Variants in CALD1 observed in about 807,000 individuals in gnomAD.
CALD1 encodes caldesmon.
CALD1 carries 33 observed loss-of-function variants against 99.9 expected under a neutral mutation model. That is an observed-to-expected ratio of 0.33 (90% CI 0.25 to 0.44). CALD1 has a LOEUF of 0.44. Among genes scored for constraint, CALD1 ranks in the 20% least tolerant of loss-of-function variants. The pLI is 1.00. For missense variants in CALD1, 861 were observed against 962.1 expected (o/e 0.89, Z 1.39); for synonymous variants, 310 against 325.0 (o/e 0.95, Z 0.50).
intron 1 of CALD1, among the ~76,000 whole-genome samples, chr7:134,803,486 T>TA (rs552796865): frequency 1.3e-5 from 2 of 152,010 alleles, no homozygotes; most frequent in Non-Finnish European, 2.9e-5. Context: ...ATCTTCTATT[T>TA]AAAAAAAACT....
chr7:134,767,431 G>A (rs565567831), intron 1 of CALD1, among the ~76,000 whole-genome samples: 9 of 152,212 alleles, frequency 5.9e-5, no homozygotes, highest in South Asian at 2.1e-4. Context: ...GATGACAGTC[G>A]GCTAGGCCAA....
chr7:134,953,573 T>C (rs1278312916), intron 9 of CALD1, among the ~76,000 whole-genome samples: 1 of 151,100 alleles, frequency 6.6e-6, no homozygotes, highest in Non-Finnish European at 1.5e-5. Context: ...CTACCTTCTT[T>C]AAAATCCCAC....
intron 1 of CALD1, among the ~76,000 whole-genome samples, chr7:134,835,910 C>T (rs1056627362): frequency 6.6e-6 from 1 of 152,036 alleles, no homozygotes; most frequent in African/African-American, 2.4e-5. Flanking sequence ...ATTTGGGAGG[C>T]CGAGTCAGGC....
chr7:134,835,602 G>A (rs1216860241), intron 1 of CALD1, among the ~76,000 whole-genome samples: 4 of 152,140 alleles, frequency 2.6e-5, no homozygotes, highest in Non-Finnish European at 5.9e-5. Context: ...AATAAAGTGT[G>A]CCTAAATTTT....
intron 3 of CALD1, among the ~76,000 whole-genome samples, chr7:134,884,751 C>T (rs1450693879): frequency 6.6e-6 from 1 of 151,972 alleles, no homozygotes; most frequent in East Asian, 1.9e-4. Context: ...ATGACAAGTA[C>T]TTATTGGCCA....
intron 1 of CALD1, among the ~76,000 whole-genome samples, chr7:134,791,909 G>A (rs1235092099): frequency 6.6e-6 from 1 of 152,184 alleles, no homozygotes; most frequent in African/African-American, 2.4e-5. Flanking sequence ...AGCTTGTGCA[G>A]GGGAACTCCC....
intron 1 of CALD1, among the ~76,000 whole-genome samples, chr7:134,760,193 G>T (rs1284363599): frequency 2.0e-5 from 3 of 152,178 alleles, no homozygotes; most frequent in Non-Finnish European, 4.4e-5. Flanking sequence ...ATTACAGAGG[G>T]ACTTATAGGA....
chr7:134,770,111 T>C (rs1796865293), intron 1 of CALD1, among the ~76,000 whole-genome samples: 1 of 152,218 alleles, frequency 6.6e-6, no homozygotes, highest in Admixed American at 6.5e-5. Context: ...ATTACCTTTC[T>C]CTTTGTAAAA....
chr7:134,834,972 T>C (rs988222105), intron 1 of CALD1, among the ~76,000 whole-genome samples: 2 of 152,222 alleles, frequency 1.3e-5, no homozygotes, highest in African/African-American at 4.8e-5. Flanking sequence ...CATTAACAGA[T>C]GGATATCTGG....
intron 2 of CALD1, among the ~76,000 whole-genome samples, chr7:134,854,262 G>A (rs1242452217): frequency 6.6e-6 from 1 of 152,118 alleles, no homozygotes; most frequent in Non-Finnish European, 1.5e-5. Context: ...GGTATTTCTA[G>A]TTCTAGATCC....
At chr7:134,842,796 A>G (rs556593843) in intron 1 of CALD1, among the ~76,000 whole-genome samples, 1 of 152,312 alleles carries the variant, frequency 6.6e-6, no homozygotes, top group Non-Finnish European at 1.5e-5. Flanking sequence ...GAAAGGTGCT[A>G]GTTACAGTTT....
chr7:134,790,443 ATT>A, intron 1 of CALD1, among the ~76,000 whole-genome samples: 1 of 152,164 alleles, frequency 6.6e-6, no homozygotes, highest in South Asian at 2.1e-4. Context: ...ACCCTCTCCA[ATT>A]CTCTACAGCT....
chr7:134,846,970 T>C (rs1450133524), intron 2 of CALD1, among the ~76,000 whole-genome samples: 4 of 152,212 alleles, frequency 2.6e-5, no homozygotes, highest in African/African-American at 4.8e-5. Context: ...AATCCATGAA[T>C]GGTCTAGTTG....
intron 1 of CALD1, among the ~76,000 whole-genome samples, chr7:134,788,341 C>T (rs1390691468): frequency 1.3e-5 from 2 of 152,160 alleles, no homozygotes; most frequent in Non-Finnish European, 2.9e-5. Flanking sequence ...ATATTCAGAA[C>T]TTGAAATTGA....
chr7:134,900,894 G>A lies in CALD1; in HGVS notation c.72-27860G>A, dbSNP rs546673950. Among the ~76,000 whole-genome samples the A allele has an allele frequency of 2.6e-5, 4 of 152,188 alleles. No individual in the cohort carries two copies. The East Asian group carries it at 5.8e-4, about 22-fold the overall frequency. ...TCTGCCAACAAACTGATAGACGCCA[G>A]GGTGAAATCAGCGGAATTCAACTTG... On this transcript the variant is annotated intron_variant, in intron 3 of 14. Coordinates refer to ENST00000361675, the MANE Select transcript of CALD1 (RefSeq NM_033138.4).
chr7:134,729,369 G>C, the CALD1 span, among the ~76,000 whole-genome samples: 1 of 152,104 alleles, frequency 6.6e-6, no homozygotes, highest in Non-Finnish European at 1.5e-5. Context: ...AAATGGTGGA[G>C]CTGGGACTCA....
chr7:134,729,567 G>C, the CALD1 span, among the ~76,000 whole-genome samples: 120 of 152,344 alleles, frequency 7.9e-4, 1 homozygote, highest in African/African-American at 2.6e-3. Flanking sequence ...GGACACACAA[G>C]GAAGATTTGA....
intron 1 of CALD1, among the ~76,000 whole-genome samples, chr7:134,830,572 C>A (rs1372394729): frequency 1.3e-5 from 2 of 152,072 alleles, no homozygotes; most frequent in African/African-American, 4.8e-5. Flanking sequence ...CACCCTCAAC[C>A]CTCCAATAGG....
chr7:134,838,972 A>C (rs568495638), intron 1 of CALD1, among the ~76,000 whole-genome samples: 2 of 152,202 alleles, frequency 1.3e-5, no homozygotes, highest in Non-Finnish European at 2.9e-5. Context: ...TTATAATTGT[A>C]CAGAGTGATG....
Sources: gnomAD v4.1 joint callset for allele counts (sites outside exome capture counted in the v4.1 genomes callset) on GRCh38, gnomAD v4.1.1 for gene constraint, MANE v1.5 for transcripts, NCBI Gene and HGNC (gene_info 2026-07-23, HGNC 2026-07-21) for gene names.